ZNF708: variants seen among roughly 807,000 people sequenced by gnomAD.
ZNF708 encodes zinc finger protein 708, also known as ZNF15, ZNF15L1.
A neutral mutation model predicts 47.0 loss-of-function variants in ZNF708; 44 were observed. That is an observed-to-expected ratio of 0.94 (90% CI 0.74 to 1.20). The LOEUF (loss-of-function observed/expected upper bound fraction) is 1.20, where lower values mean the gene tolerates loss of function less well. Ranked by LOEUF, ZNF708 falls within the 50% of genes most tolerant of loss-of-function variation. The probability of loss-of-function intolerance (pLI) is 0.00; values close to 1 mark genes in which losing one functional copy is unlikely to be tolerated. For missense variants in ZNF708, 557 were observed against 656.0 expected (o/e 0.85, Z 1.65); for synonymous variants, 184 against 218.5 (o/e 0.84, Z 1.39).
chr19:21,320,266 C>T (rs1251591224), intron 1 of ZNF708, among the ~76,000 whole-genome samples: 1 of 152,050 alleles, frequency 6.6e-6, no homozygotes, highest in Non-Finnish European at 1.5e-5. Context: ...GGTATATACC[C>T]AAAGAAATAT....
Position 21,293,119 on chromosome 19 carries a change from A to T in ZNF708, c.*155T>A. 1 of 1,008,668 alleles carries T rather than the reference A, an allele frequency of 9.9e-7. No homozygotes were observed. The highest frequency in any genetic ancestry group is 1.5e-6 in the Non-Finnish European group (1 of 670,882). 62.5% of individuals were successfully genotyped at this position (1,008,668 alleles called of 1,614,324 possible). A position where few individuals can be genotyped will look rare whatever the true frequency, so the allele number is the denominator to read the frequency against. ...GCTTTGCCACATTCTTTACATTTGT[A>T]GGGTTTCTCTCTAGTATGAATTATC... On this transcript the variant is annotated 3_prime_UTR_variant, in exon 4 of 4. Coordinates refer to ENST00000356929, the MANE Select transcript of ZNF708 (RefSeq NM_021269.3).
At chr19:21,307,393 A>G (rs1240716450) in intron 3 of ZNF708, among the ~76,000 whole-genome samples, 1 of 151,952 alleles carries the variant, frequency 6.6e-6, no homozygotes, top group Non-Finnish European at 1.5e-5. Context: ...TGGGAAGCTG[A>G]GGCGGGTGGA....
chr19:21,324,657 T>A (rs995497733), intron 1 of ZNF708, among the ~76,000 whole-genome samples: 1 of 152,150 alleles, frequency 6.6e-6, no homozygotes, highest in African/African-American at 2.4e-5. Flanking sequence ...CATATCTCAA[T>A]AAGAAAAGCA....
At position 21,294,701 on chromosome 19, in the gene ZNF708, G is replaced by T. The variant is rs745917609; in HGVS notation, c.265C>A (p.Gln89Lys). 3.7e-6 allele frequency: 6 copies of T among 1,612,482 alleles called. No homozygotes were observed. The South Asian group carries it at 6.6e-5, about 18-fold the overall frequency. The change falls in exon 4 of 4, where the codon CAA (glutamine) becomes AAA (lysine). Residue 89 changes from glutamine to lysine, a missense_variant. By Grantham distance (53) the Gln-to-Lys change is moderately conservative. Coordinates refer to ENST00000356929, the MANE Select transcript of ZNF708 (RefSeq NM_021269.3). Reference sequence around the variant, plus strand: ...TGTTGGAAAGAATTTTTTATATATTGCTCTGGCCTAAGGTCTTTGGCAAAA... The same window carrying T: ...TGTTGGAAAGAATTTTTTATATATTTCTCTGGCCTAAGGTCTTTGGCAAAA... ...SHFAKDLRPE[Q>K]YIKNSFQQVI...
intron 1 of ZNF708, among the ~76,000 whole-genome samples, chr19:21,325,985 G>C (rs1973248760): frequency 6.6e-6 from 1 of 152,144 alleles, no homozygotes; most frequent in African/African-American, 2.4e-5. Context: ...CTAATGATCA[G>C]GGAAATGCAA....
chr19:21,297,260 ATATATATATATTTTTTTTT>A (rs1202506593), intron 3 of ZNF708, among the ~76,000 whole-genome samples: 12 of 15,230 alleles, frequency 7.9e-4, no homozygotes, highest in African/African-American at 1.9e-3. Flanking sequence ...ATATATATAT[ATATATATATATTTTTTTTT>A]TTTTTTTTTT....
At chr19:21,312,338 G>GT (rs140574805) in intron 1 of ZNF708, among the ~76,000 whole-genome samples, 2,161 of 151,676 alleles carry the variant, frequency 0.014, 60 homozygotes, top group African/African-American at 0.046. Context: ...TAGCATGCAC[G>GT]TGTAATCCCA....
intron 3 of ZNF708, among the ~76,000 whole-genome samples, chr19:21,305,460 T>A (rs964479978): frequency 2.0e-5 from 3 of 151,850 alleles, no homozygotes; most frequent in East Asian, 1.9e-4. Flanking sequence ...TTTTTATTTT[T>A]ATTTTTTTTA....
chr19:21,298,886 A>T (rs572939386), intron 3 of ZNF708, among the ~76,000 whole-genome samples: 1 of 152,318 alleles, frequency 6.6e-6, no homozygotes, highest in South Asian at 2.1e-4. Flanking sequence ...CAGTTTGCAA[A>T]CAGCAGAAAA....
At chr19:21,323,511 T>C (rs489613) in intron 1 of ZNF708, among the ~76,000 whole-genome samples, 144,833 of 152,244 alleles carry the variant, frequency 0.95, 69,149 homozygotes, top group Middle Eastern at 1. Flanking sequence ...TTGTTCCTCC[T>C]TAGGAAAGGA....
chr19:21,299,138 G>A (rs561815240), intron 3 of ZNF708, among the ~76,000 whole-genome samples: 3 of 152,260 alleles, frequency 2.0e-5, no homozygotes, highest in South Asian at 2.1e-4. Flanking sequence ...GGTGGATCAC[G>A]AGGTCAGGAG....
At chr19:21,323,376 T>G (rs1381017251) in intron 1 of ZNF708, among the ~76,000 whole-genome samples, 3 of 152,210 alleles carry the variant, frequency 2.0e-5, no homozygotes, top group Admixed American at 1.3e-4. Context: ...CTTCTGAACT[T>G]TACAAACCCA....
chr19:21,316,661 A>C (rs1973019395), intron 1 of ZNF708, among the ~76,000 whole-genome samples: 1 of 152,102 alleles, frequency 6.6e-6, no homozygotes, highest in African/African-American at 2.4e-5. Flanking sequence ...GTCTGATGAC[A>C]GGAGTCCCTG....
At chr19:21,319,452 T>TG (rs1273048082) in intron 1 of ZNF708, among the ~76,000 whole-genome samples, 8 of 151,076 alleles carry the variant, frequency 5.3e-5, no homozygotes, top group East Asian at 2.0e-4. Flanking sequence ...TAATATGAGT[T>TG]TTTTTTTTTT....
At chr19:21,300,777 C>T (rs1397370828) in intron 3 of ZNF708, among the ~76,000 whole-genome samples, 2 of 151,954 alleles carry the variant, frequency 1.3e-5, no homozygotes, top group Non-Finnish European at 2.9e-5. Context: ...TCTCCTGCCT[C>T]AGCCTCCCAA....
At chr19:21,315,605 G>C (rs1383612642) in intron 1 of ZNF708, among the ~76,000 whole-genome samples, 1 of 152,144 alleles carries the variant, frequency 6.6e-6, no homozygotes, top group Non-Finnish European at 1.5e-5. Flanking sequence ...AAGTTGCCTG[G>C]AATATATACT....
intron 1 of ZNF708, among the ~76,000 whole-genome samples, chr19:21,327,421 A>T (rs1973283044): frequency 6.6e-6 from 1 of 151,668 alleles, no homozygotes; most frequent in South Asian, 2.1e-4. Flanking sequence ...AATCCCAGCT[A>T]CTCGGGTGGC....
chr19:21,327,305 G>T (rs1386337251), intron 1 of ZNF708, among the ~76,000 whole-genome samples: 1 of 152,102 alleles, frequency 6.6e-6, no homozygotes, highest in East Asian at 1.9e-4. Flanking sequence ...CGAGGCGGGC[G>T]GATCACCTGA....
intron 1 of ZNF708, among the ~76,000 whole-genome samples, chr19:21,327,167 G>C (rs569479953): frequency 6.6e-6 from 1 of 152,072 alleles, no homozygotes; most frequent in South Asian, 2.1e-4. Flanking sequence ...TTAAATAATG[G>C]AAGTCAACAT....
Sources: gnomAD v4.1 joint callset for allele counts (sites outside exome capture counted in the v4.1 genomes callset) on GRCh38, gnomAD v4.1.1 for gene constraint, MANE v1.5 for transcripts, NCBI Gene and HGNC (gene_info 2026-07-23, HGNC 2026-07-21) for gene names.